Variants in STXBP5L observed in about 807,000 individuals in gnomAD.
The protein encoded by STXBP5L is syntaxin-binding protein 5-like.
In STXBP5L, 65 loss-of-function variants were observed where a neutral mutation model predicts 144.5. The observed-to-expected ratio is 0.45, with a 90% confidence interval of 0.37 to 0.55. STXBP5L has a LOEUF of 0.55. Ranked by LOEUF, STXBP5L falls within the 20% of genes least tolerant of loss-of-function variation. The pLI is 0.00. For missense variants in STXBP5L, 1,298 were observed against 1,405.5 expected, an observed-to-expected ratio of 0.92 and a Z score of 1.22; for synonymous variants, 505 against 469.6, an observed-to-expected ratio of 1.08 and a Z score of -0.97.
At chr3:121,393,781 A>G (rs1215661235) in intron 22 of STXBP5L, among the ~76,000 whole-genome samples, 3 of 151,882 alleles carry the variant, frequency 2.0e-5, no homozygotes, top group African/African-American at 4.8e-5. Context: ...ATTCTCTTCC[A>G]TTTATCTATC....
chr3:121,010,569 G>T (rs992040124), intron 3 of STXBP5L, among the ~76,000 whole-genome samples: 6 of 151,496 alleles, frequency 4.0e-5, no homozygotes, highest in African/African-American at 1.5e-4. Flanking sequence ...ACAACACGGG[G>T]GTTAGGGGAA....
intron 2 of STXBP5L, among the ~76,000 whole-genome samples, chr3:120,921,980 T>G (rs1709380553): frequency 1.3e-5 from 2 of 151,874 alleles, no homozygotes; most frequent in Non-Finnish European, 2.9e-5. Flanking sequence ...TTTTAGGATT[T>G]TTTTTTGTGT....
intron 5 of STXBP5L, among the ~76,000 whole-genome samples, chr3:121,065,476 C>A (rs890724218): frequency 6.6e-6 from 1 of 152,116 alleles, no homozygotes; most frequent in African/African-American, 2.4e-5. Flanking sequence ...TGCTATATAA[C>A]AATGTTACCA....
At chr3:120,950,102 T>C (rs1417494547) in intron 2 of STXBP5L, among the ~76,000 whole-genome samples, 1 of 152,066 alleles carries the variant, frequency 6.6e-6, no homozygotes, top group Non-Finnish European at 1.5e-5. Context: ...CTAATTGAAG[T>C]CACTAAGATT....
At chr3:120,982,625 C>T (rs1247585371) in intron 3 of STXBP5L, among the ~76,000 whole-genome samples, 3 of 152,202 alleles carry the variant, frequency 2.0e-5, no homozygotes, top group Non-Finnish European at 4.4e-5. Context: ...GGAGTAGAAC[C>T]TCTTATCTCA....
intron 22 of STXBP5L, among the ~76,000 whole-genome samples, chr3:121,384,946 G>A (rs772561028): frequency 4.6e-5 from 7 of 151,772 alleles, no homozygotes; most frequent in African/African-American, 1.7e-4. Context: ...AACTCTTTAT[G>A]CTGCCAACTA....
At chr3:121,140,453 A>G (rs1406382681) in intron 7 of STXBP5L, among the ~76,000 whole-genome samples, 1 of 152,202 alleles carries the variant, frequency 6.6e-6, no homozygotes, top group African/African-American at 2.4e-5. Flanking sequence ...TCGTCACAAC[A>G]TTATTCACAA....
intron 9 of STXBP5L, among the ~76,000 whole-genome samples, chr3:121,173,902 A>T (rs1053061813): frequency 6.6e-6 from 1 of 151,772 alleles, no homozygotes; most frequent in Non-Finnish European, 1.5e-5. Context: ...GGCACTTTGT[A>T]TGGGTTCCAT....
At position 121,005,364 on chromosome 3, in the gene STXBP5L, G is replaced by C. The variant is rs1185696518; in HGVS notation, c.288-36336G>C. 3.3e-5 allele frequency among the ~76,000 whole-genome samples: 5 copies of C among 152,204 alleles called. No individual in the cohort carries two copies. In the East Asian group the frequency reaches 9.6e-4, roughly 29 times the overall value. On this transcript the variant is annotated intron_variant, in intron 3 of 26. Transcript: ENST00000471454. Reference sequence around the variant, plus strand: ...AGTGGTGTTTATAGTATTCTCTGATGGTAGTTTGTATTTCTGTGTGAACGG... The same window carrying C: ...AGTGGTGTTTATAGTATTCTCTGATCGTAGTTTGTATTTCTGTGTGAACGG...
chr3:121,342,514 C>A (rs1244941101), intron 20 of STXBP5L, among the ~76,000 whole-genome samples: 2 of 133,304 alleles, frequency 1.5e-5, no homozygotes, highest in South Asian at 5.1e-4. Context: ...CACCCCACAA[C>A]GGTCCCCAGA....
At chr3:120,937,526 TCAG>T (rs1486173222) in intron 2 of STXBP5L, among the ~76,000 whole-genome samples, 3 of 152,216 alleles carry the variant, frequency 2.0e-5, no homozygotes, top group Non-Finnish European at 4.4e-5. Flanking sequence ...AGGTTTCTGC[TCAG>T]GTATGTTGTG....
intron 3 of STXBP5L, among the ~76,000 whole-genome samples, chr3:121,023,081 T>C (rs971121068): frequency 2.6e-5 from 4 of 151,970 alleles, no homozygotes; most frequent in Non-Finnish European, 5.9e-5. Context: ...TGCACACAAA[T>C]CAGTAGCTCT....
chr3:121,185,958 C>T (rs1053373420), intron 9 of STXBP5L, among the ~76,000 whole-genome samples: 2 of 152,080 alleles, frequency 1.3e-5, no homozygotes, highest in Non-Finnish European at 2.9e-5. Flanking sequence ...TTGTTTGTAT[C>T]CTCTTTTATT....
intron 20 of STXBP5L, among the ~76,000 whole-genome samples, chr3:121,321,496 C>T (rs2043969088): frequency 6.6e-6 from 1 of 152,138 alleles, no homozygotes; most frequent in Admixed American, 6.5e-5. Flanking sequence ...AATAGCCACA[C>T]ATACACCTAA....
intron 12 of STXBP5L, among the ~76,000 whole-genome samples, chr3:121,235,418 C>T (rs1192071707): frequency 1.3e-5 from 2 of 152,034 alleles, no homozygotes; most frequent in African/African-American, 4.8e-5. Flanking sequence ...CTAAATTCCT[C>T]TAGTAAGTTT....
chr3:121,090,426 T>C (rs145413414), intron 5 of STXBP5L, among the ~76,000 whole-genome samples: 4 of 152,256 alleles, frequency 2.6e-5, no homozygotes, highest in Non-Finnish European at 2.9e-5. Flanking sequence ...TCAAATGGAT[T>C]CTACTAACCC....
intron 22 of STXBP5L, among the ~76,000 whole-genome samples, chr3:121,402,159 A>C (rs1016705743): frequency 2.0e-5 from 3 of 152,216 alleles, no homozygotes; most frequent in African/African-American, 4.8e-5. Flanking sequence ...ACTGAACTGG[A>C]GTAGTCAGGA....
At chr3:120,978,854 C>G (rs1435107723) in intron 3 of STXBP5L, among the ~76,000 whole-genome samples, 1 of 152,188 alleles carries the variant, frequency 6.6e-6, no homozygotes, top group Non-Finnish European at 1.5e-5. Flanking sequence ...GGCTGCAGAA[C>G]AGCAGATTTT....
Position 120,973,793 on chromosome 3 carries a change from G to C in STXBP5L, c.287+18756G>C, listed in dbSNP as rs568589808. 9.3e-3 allele frequency among the ~76,000 whole-genome samples: 1,410 copies of C among 151,746 alleles called. 10 individuals are homozygous for C. The highest frequency in any genetic ancestry group is 0.014 in the Non-Finnish European group (945 of 67,952). ...CCACCTATGAGTGAGAACATGCGGT[G>C]TTTGGTTTTTTGTTCTTGCGATAGT... On this transcript the variant is annotated intron_variant, in intron 3 of 26. Transcript: ENST00000471454.
Sources: allele counts gnomAD v4.1 joint callset (sites outside exome capture counted in the v4.1 genomes callset), GRCh38; gene constraint gnomAD v4.1.1; transcripts MANE v1.5; gene names NCBI Gene and HGNC (gene_info 2026-07-23, HGNC 2026-07-21).